BLTP1: variants seen among roughly 807,000 people sequenced by gnomAD.
BLTP1 encodes the protein bridge-like lipid transfer protein family member 1.
chr4:122,332,318 T>C, the BLTP1 span, among the ~76,000 whole-genome samples: 1 of 152,042 alleles, frequency 6.6e-6, no homozygotes, highest in Admixed American at 6.6e-5. Flanking sequence ...ACAAATGTAG[T>C]AGTGATGATA....
the BLTP1 span, among the ~76,000 whole-genome samples, chr4:122,167,167 A>C: frequency 6.6e-6 from 1 of 152,160 alleles, no homozygotes; most frequent in East Asian, 1.9e-4. Context: ...CATATACGGT[A>C]CATAAATACA....
At chr4:122,212,086 G>C in the BLTP1 span, 4 of 984,228 alleles carry the variant, frequency 4.1e-6, no homozygotes, top group Non-Finnish European at 4.8e-6. Context: ...GAGGGACTAG[G>C]ATGTTTAGGG....
the BLTP1 span, chr4:122,258,675 T>C: frequency 7.5e-6 from 12 of 1,598,594 alleles, no homozygotes; most frequent in Non-Finnish European, 1.0e-5. Context: ...AATCTATTGC[T>C]CACTTATTCT....
At chr4:122,359,241 TAATAA>T in the BLTP1 span, 4 of 714,594 alleles carry the variant, frequency 5.6e-6, no homozygotes, top group African/African-American at 1.9e-5. Flanking sequence ...AGTATAATAA[TAATAA>T]AATAAAAAAT....
the BLTP1 span, chr4:122,224,649 G>T: frequency 1.9e-6 from 3 of 1,614,038 alleles, no homozygotes; most frequent in East Asian, 6.7e-5. Flanking sequence ...CAGGCTGGAA[G>T]TCTTACAGCT....
the BLTP1 span, chr4:122,167,641 G>A: frequency 1.0e-6 from 1 of 985,162 alleles, no homozygotes; most frequent in South Asian, 4.7e-5. Flanking sequence ...CCCTACAAGT[G>A]TATGCTCCTC....
chr4:122,248,062 A>T, the BLTP1 span: 2 of 985,026 alleles, frequency 2.0e-6, no homozygotes, highest in African/African-American at 3.5e-5. Flanking sequence ...TAGGTTCTGA[A>T]GTTTCCATGA....
At chr4:122,169,855 T>G in the BLTP1 span, 2 of 985,200 alleles carry the variant, frequency 2.0e-6, no homozygotes. Context: ...GAAGATTGTT[T>G]CCCCATGGAA....
the BLTP1 span, among the ~76,000 whole-genome samples, chr4:122,309,781 G>T: frequency 1.3e-5 from 2 of 151,932 alleles, no homozygotes; most frequent in Admixed American, 6.6e-5. Flanking sequence ...GAAAAAAAAT[G>T]ATAAATGTGC....
the BLTP1 span, chr4:122,188,190 A>G: frequency 8.2e-7 from 1 of 1,219,988 alleles, no homozygotes; most frequent in Non-Finnish European, 1.1e-6. Flanking sequence ...AAGTTGTACA[A>G]AAATTAGGTA....
the BLTP1 span, among the ~76,000 whole-genome samples, chr4:122,179,039 G>A: frequency 3.8e-3 from 573 of 152,282 alleles, 1 homozygote; most frequent in Middle Eastern, 6.8e-3. Context: ...AGTGCTTTGG[G>A]AGGCTGAGGT....
At chr4:122,187,829 A>G in the BLTP1 span, 2 of 1,484,000 alleles carry the variant, frequency 1.3e-6, no homozygotes, top group East Asian at 4.9e-5. Flanking sequence ...AGTTTAGCTA[A>G]AGAAAGAAAT....
the BLTP1 span, chr4:122,281,809 T>G: frequency 2.1e-6 from 3 of 1,451,522 alleles, no homozygotes; most frequent in South Asian, 3.2e-5. Flanking sequence ...CTCTTAAAAT[T>G]TATGATTTGT....
chr4:122,322,258 C>T, the BLTP1 span, among the ~76,000 whole-genome samples: 2 of 151,346 alleles, frequency 1.3e-5, no homozygotes, highest in African/African-American at 4.9e-5. Flanking sequence ...TTTTGCAGTT[C>T]CTATTGATAT....
the BLTP1 span, chr4:122,309,588 A>G: frequency 2.1e-6 from 2 of 954,768 alleles, no homozygotes; most frequent in Non-Finnish European, 3.1e-6. Context: ...AAGAAGGGCT[A>G]TTTCTAGTTA....
the BLTP1 span, chr4:122,234,790 C>A: frequency 6.2e-7 from 1 of 1,607,728 alleles, no homozygotes; most frequent in East Asian, 2.2e-5. Flanking sequence ...TTTTTATGGC[C>A]AGATGATATC....
At chr4:122,319,634 C>T in the BLTP1 span, among the ~76,000 whole-genome samples, 1 of 151,050 alleles carries the variant, frequency 6.6e-6, no homozygotes, top group Non-Finnish European at 1.5e-5. Flanking sequence ...CACCACCTCC[C>T]GGGTTCAAGC....
At chr4:122,187,641 A>G in the BLTP1 span, 230 of 937,724 alleles carry the variant, frequency 2.5e-4, no homozygotes, top group Non-Finnish European at 3.1e-5. Context: ...CCATTTCTGT[A>G]TAGTGTGAGT....
chr4:122,187,887 T>TC, the BLTP1 span: 1 of 1,563,994 alleles, frequency 6.4e-7, no homozygotes, highest in East Asian at 2.3e-5. Context: ...TTATTTTTTT[T>TC]TTTTTAGGGA....
Sources: gnomAD v4.1 joint callset for allele counts (sites outside exome capture counted in the v4.1 genomes callset) on GRCh38, gnomAD v4.1.1 for gene constraint, MANE v1.5 for transcripts, NCBI Gene and HGNC (gene_info 2026-07-23, HGNC 2026-07-21) for gene names.